MINDY3: variants seen among roughly 807,000 people sequenced by gnomAD.
The protein encoded by MINDY3 is MINDY lysine 48 deubiquitinase 3.
Under a neutral mutation model 69.2 loss-of-function variants are expected in MINDY3, and 38 were observed. That is an observed-to-expected ratio of 0.55 (90% CI 0.42 to 0.72). The LOEUF (loss-of-function observed/expected upper bound fraction) is 0.72, where lower values mean the gene tolerates loss of function less well. MINDY3 is among the 30% of genes least tolerant of loss of function. The pLI, the probability that MINDY3 is intolerant of heterozygous loss-of-function variation, is 0.00. For synonymous variants in MINDY3, 192 were observed against 180.1 expected, an observed-to-expected ratio of 1.07 and a Z score of -0.53; for missense variants, 522 against 519.0, an observed-to-expected ratio of 1.01 and a Z score of -0.06.
intron 8 of MINDY3, among the ~76,000 whole-genome samples, chr10:15,832,547 T>C (rs958666218): frequency 2.0e-5 from 3 of 152,104 alleles, no homozygotes; most frequent in Admixed American, 6.6e-5. Context: ...AGCAAGATAA[T>C]TTGTAGTTTT....
intron 10 of MINDY3, among the ~76,000 whole-genome samples, chr10:15,797,325 C>T: frequency 6.6e-6 from 1 of 152,176 alleles, no homozygotes; most frequent in East Asian, 1.9e-4. Flanking sequence ...AACCACTTGA[C>T]ATTTTTTAAC....
At chr10:15,783,574 G>T (rs928388462) in intron 13 of MINDY3, among the ~76,000 whole-genome samples, 6 of 152,002 alleles carry the variant, frequency 3.9e-5, no homozygotes, top group African/African-American at 1.5e-4. Flanking sequence ...TTACTACACT[G>T]GAACTTAACC....
rs181559620 is a variant in MINDY3 at position 15,805,400 on chromosome 10, A to G, written c.883-9228T>C. ...TTAAAAGGTTTCTGGTGAACAGAGA[A>G]TAGTTATACTGGTAATACAGATAGA... is the stretch of plus-strand genomic sequence containing the variant. On this transcript the variant is annotated intron_variant, in intron 10 of 14. Coordinates refer to ENST00000277632, the MANE Select transcript of MINDY3 (RefSeq NM_024948.4). Among the ~76,000 whole-genome samples the G allele has an allele frequency of 2.6e-5, 4 of 152,206 alleles. No homozygotes were observed. In the South Asian group the frequency reaches 8.3e-4, roughly 31 times the overall value.
rs77661298 is a variant in MINDY3 at position 15,857,213 on chromosome 10, CTG to C, written c.94+2991_94+2992del. 3.4e-4 allele frequency among the ~76,000 whole-genome samples: 51 copies of C among 152,106 alleles called. No individual in the cohort carries two copies. In the East Asian group the frequency reaches 7.7e-3, roughly 23 times the overall value. On this transcript the variant is annotated intron_variant, in intron 1 of 14. Transcript: ENST00000277632. ...TCCTTAAACAGACCAAGTGTATTTT[CTG>C]TGAAGTTTTTTATAACTACCATTTG...
chr10:15,789,203 G>T, intron 12 of MINDY3, 44 bp downstream of exon 12: 1 of 1,485,098 alleles, frequency 6.7e-7, no homozygotes, highest in South Asian at 1.1e-5. Flanking sequence ...AAACTTAATC[G>T]AATCTTTTTG....
At chr10:15,809,464 T>G (rs1838853791) in intron 10 of MINDY3, among the ~76,000 whole-genome samples, 1 of 152,170 alleles carries the variant, frequency 6.6e-6, no homozygotes, top group African/African-American at 2.4e-5. Flanking sequence ...GAAAGTGCCA[T>G]GATACGATTT....
chr10:15,791,580 C>T (rs1302898350), intron 11 of MINDY3, among the ~76,000 whole-genome samples: 4 of 151,714 alleles, frequency 2.6e-5, no homozygotes, highest in Non-Finnish European at 5.9e-5. Flanking sequence ...GGATGGGAAA[C>T]GGCTAGCATG....
In MINDY3 at chr10:15,778,751, C is replaced by G. The variant is rs950735364; in HGVS notation, c.*241G>C. 2 of 354,580 alleles carry G rather than the reference C, an allele frequency of 5.6e-6. No homozygotes were observed. The highest frequency in any genetic ancestry group is 5.1e-6 in the Non-Finnish European group (1 of 196,838). The allele number at this position is 354,580 out of a possible 1,614,324, so 22.0% of individuals were successfully genotyped here. A position where few individuals can be genotyped will look rare whatever the true frequency, so the allele number is the denominator to read the frequency against. On this transcript the variant is annotated 3_prime_UTR_variant, in exon 15 of 15. Coordinates refer to ENST00000277632, the MANE Select transcript of MINDY3 (RefSeq NM_024948.4). ...AGTATCTGAATGCAAAAGTGATGAA[C>G]TTTGATGAAAGCTTAATTTTGCTAG...
intron 1 of MINDY3, among the ~76,000 whole-genome samples, chr10:15,848,674 T>TAAAAAAAAAAAAAAAAAAAAAAAAAAAA (rs1834048557): frequency 8.6e-6 from 1 of 115,720 alleles, no homozygotes; most frequent in African/African-American, 3.8e-5. Flanking sequence ...AAAGAAAAAT[T>TAAAAAAAAAAAAAAAAAAAAAAAAAAAA]AAATGGCATT....
At chr10:15,845,620 T>G (rs1031610477) in intron 2 of MINDY3, among the ~76,000 whole-genome samples, 10 of 151,514 alleles carry the variant, frequency 6.6e-5, no homozygotes, top group African/African-American at 2.4e-4. Flanking sequence ...CCTTCTAGCC[T>G]CCCGAGTAGC....
At chr10:15,830,687 AATGAGCC>A (rs1177368213) in intron 8 of MINDY3, among the ~76,000 whole-genome samples, 1 of 152,230 alleles carries the variant, frequency 6.6e-6, no homozygotes, top group Non-Finnish European at 1.5e-5. Context: ...AGAGTTAGTA[AATGAGCC>A]ATGCAGTGTG....
intron 9 of MINDY3, among the ~76,000 whole-genome samples, chr10:15,819,303 A>G (rs1002627194): frequency 2.6e-5 from 4 of 152,234 alleles, no homozygotes; most frequent in Non-Finnish European, 5.9e-5. Context: ...AAATATACAC[A>G]GAATTTGAGA....
At position 15,779,097 on chromosome 10, in the gene MINDY3, A is replaced by ATCT; in HGVS notation, c.1230_1232dup (p.Glu410dup). Reference sequence around the variant, plus strand: ...GAGTGTCATCTGTCTGTAGCATGGGATCTTCAAAACCCATCACAACTGCAG... The same window carrying ATCT: ...GAGTGTCATCTGTCTGTAGCATGGGATCTTCTTCAAAACCCATCACAACTGCAG... On this transcript the variant is annotated inframe_insertion, in exon 15 of 15. Coordinates refer to ENST00000277632, the MANE Select transcript of MINDY3 (RefSeq NM_024948.4). The ATCT allele has an allele frequency of 6.2e-7, 1 of 1,613,608 alleles. No individual in the cohort carries two copies. The highest frequency in any genetic ancestry group is 8.5e-7 in the Non-Finnish European group (1 of 1,179,744).
At chr10:15,848,943 A>C (rs1006369959) in intron 1 of MINDY3, among the ~76,000 whole-genome samples, 5 of 152,224 alleles carry the variant, frequency 3.3e-5, no homozygotes, top group African/African-American at 1.2e-4. Flanking sequence ...ACATTCAGCC[A>C]AACCAGTTCA....
intron 11 of MINDY3, among the ~76,000 whole-genome samples, chr10:15,794,810 C>T (rs1837682528): frequency 6.6e-6 from 1 of 152,092 alleles, no homozygotes; most frequent in African/African-American, 2.4e-5. Context: ...CCTACTTTAA[C>T]AACCTTAATT....
intron 12 of MINDY3, 28 bp downstream of exon 12, chr10:15,789,219 G>T (rs765445547): frequency 1.3e-6 from 2 of 1,564,770 alleles, no homozygotes; most frequent in Non-Finnish European, 1.8e-6. Flanking sequence ...TTTTGAGTTG[G>T]CTAAATAACA....
chr10:15,859,046 G>C (rs1322173970), intron 1 of MINDY3, among the ~76,000 whole-genome samples: 1 of 152,182 alleles, frequency 6.6e-6, no homozygotes, highest in Non-Finnish European at 1.5e-5. Context: ...CAGTTCTATC[G>C]ATTTGTGCAA....
intron 1 of MINDY3, among the ~76,000 whole-genome samples, chr10:15,853,592 AAT>A (rs1385950797): frequency 2.0e-5 from 3 of 152,130 alleles, no homozygotes; most frequent in African/African-American, 7.2e-5. Context: ...TCTTGAATAC[AAT>A]GTCTTTTTAA....
chr10:15,822,477 G>C (rs1314358885), intron 8 of MINDY3, among the ~76,000 whole-genome samples: 2 of 152,090 alleles, frequency 1.3e-5, no homozygotes, highest in Non-Finnish European at 2.9e-5. Context: ...ATTCAAAGCA[G>C]AAGAAACAAC....
Sources: gnomAD v4.1 joint callset for allele counts (sites outside exome capture counted in the v4.1 genomes callset) on GRCh38, gnomAD v4.1.1 for gene constraint, MANE v1.5 for transcripts, NCBI Gene and HGNC (gene_info 2026-07-23, HGNC 2026-07-21) for gene names.